The following EPM2A variants were observed in gnomAD, a reference collection of about 807,000 sequenced individuals.
EPM2A encodes the protein EPM2A glucan phosphatase, laforin, also known as laforin.
EPM2A carries 21 observed loss-of-function variants against 26.5 expected under a neutral mutation model. The ratio of observed to expected loss-of-function variants is 0.79; its 90% confidence interval spans 0.56 to 1.14. The LOEUF is 1.14. Among genes scored for constraint, EPM2A ranks in the 50% most tolerant of loss-of-function variants. The pLI is 0.00. For synonymous variants in EPM2A, 217 were observed against 177.6 expected (o/e 1.22, Z -1.76); for missense variants, 458 against 440.8 (o/e 1.04, Z -0.35).
chr6:145,726,562 A>C (rs893964855), intron 1 of EPM2A, among the ~76,000 whole-genome samples: 4 of 152,136 alleles, frequency 2.6e-5, no homozygotes, highest in African/African-American at 9.7e-5. Context: ...AGTCATCACA[A>C]ACGGTAGTAA....
chr6:145,668,385 C>T (rs990362419), intron 2 of EPM2A, among the ~76,000 whole-genome samples: 1 of 151,982 alleles, frequency 6.6e-6, no homozygotes, highest in African/African-American at 2.4e-5. Context: ...TAAAAAATGG[C>T]ATGAAGGTCC....
chr6:145,601,399 A>G (rs1000722364), intron 2 of EPM2A, among the ~76,000 whole-genome samples: 1 of 152,166 alleles, frequency 6.6e-6, no homozygotes, highest in Admixed American at 6.5e-5. Flanking sequence ...AGAACGTGAC[A>G]GTGGTGGTAG....
At chr6:145,684,881 C>T (rs1202296121) in intron 2 of EPM2A, 2 of 152,160 alleles carry the variant, frequency 1.3e-5, no homozygotes, top group South Asian at 2.1e-4. Context: ...AACCCATCAG[C>T]AAAGCCAACA....
intron 2 of EPM2A, among the ~76,000 whole-genome samples, chr6:145,542,263 T>C (rs564324130): frequency 7.9e-5 from 12 of 152,346 alleles, no homozygotes; most frequent in African/African-American, 2.9e-4. Flanking sequence ...TAAATTCCCT[T>C]TGCCATAACA....
chr6:145,700,544 G>A (rs1781854008), intron 1 of EPM2A, among the ~76,000 whole-genome samples: 1 of 151,900 alleles, frequency 6.6e-6, no homozygotes, highest in Non-Finnish European at 1.5e-5. Flanking sequence ...ATACCTTAAA[G>A]CCCACACACA....
At chr6:145,672,860 G>C (rs76509098) in intron 2 of EPM2A, among the ~76,000 whole-genome samples, 283 of 152,294 alleles carry the variant, frequency 1.9e-3, no homozygotes, top group Non-Finnish European at 3.5e-3. Flanking sequence ...AAGTAGTATA[G>C]AAGGAAAGAC....
rs548416798 is a variant in EPM2A, at chr6:145,708,861, C to G, written c.302-22565G>C. The stretch of plus-strand genomic sequence containing the variant: ...GCCTAGAAAAGACACAGACACTCAA[C>G]AGCAGCCCATGAAAGCAGCCAGGAG... On this transcript the variant is annotated intron_variant, in intron 1 of 3. Transcript: ENST00000367519. Among the ~76,000 whole-genome samples, 95 of 152,330 alleles carry G rather than the reference C, an allele frequency of 6.2e-4. No homozygotes were observed. The Middle Eastern group carries it at 0.014, about 22-fold the overall frequency.
chr6:145,480,572 C>T (rs144477335), intron 4 of EPM2A, among the ~76,000 whole-genome samples: 66 of 152,186 alleles, frequency 4.3e-4, no homozygotes, highest in African/African-American at 1.5e-3. Flanking sequence ...TTTTCGATTT[C>T]TTCACAATGT....
chr6:145,401,992 A>C (rs1298203251), intron 4 of EPM2A, among the ~76,000 whole-genome samples: 1 of 152,194 alleles, frequency 6.6e-6, no homozygotes, highest in Admixed American at 6.6e-5. Context: ...ATGATTTGAC[A>C]ATCATCAGAA....
At chr6:145,616,520 G>A (rs1307946984) in intron 2 of EPM2A, among the ~76,000 whole-genome samples, 1 of 152,240 alleles carries the variant, frequency 6.6e-6, no homozygotes, top group Non-Finnish European at 1.5e-5. Context: ...TAGTGGAGCT[G>A]TGAGAAGAGG....
chr6:145,436,509 T>C (rs990761890), intron 4 of EPM2A, among the ~76,000 whole-genome samples: 1 of 152,308 alleles, frequency 6.6e-6, no homozygotes, highest in Non-Finnish European at 1.5e-5. Flanking sequence ...CATTTGCTAT[T>C]GACTATCTTT....
downstream of EPM2A, among the ~76,000 whole-genome samples, chr6:145,497,109 T>A (rs1742472269): frequency 1.3e-5 from 2 of 152,198 alleles, no homozygotes. Flanking sequence ...GCTGAAGAGG[T>A]AATGTGGTCA....
intron 4 of EPM2A, among the ~76,000 whole-genome samples, chr6:145,452,645 C>G (rs2114710008): frequency 6.7e-6 from 1 of 148,998 alleles, no homozygotes; most frequent in East Asian, 2.0e-4. Flanking sequence ...GCCGAGATCA[C>G]GCCACTGCAC....
chr6:145,662,467 C>T (rs965399882), intron 2 of EPM2A, among the ~76,000 whole-genome samples: 2 of 151,970 alleles, frequency 1.3e-5, no homozygotes, highest in African/African-American at 4.8e-5. Flanking sequence ...TTTAATGATA[C>T]TTGTTAAAGC....
chr6:145,526,160 A>G (rs2114778771), intron 2 of EPM2A, among the ~76,000 whole-genome samples: 1 of 152,202 alleles, frequency 6.6e-6, no homozygotes, highest in African/African-American at 2.4e-5. Context: ...ATCATATTGA[A>G]TTAGCTTTTT....
At chr6:145,438,046 G>A (rs1009438390) in intron 4 of EPM2A, among the ~76,000 whole-genome samples, 15 of 152,204 alleles carry the variant, frequency 9.9e-5, no homozygotes, top group African/African-American at 3.4e-4. Context: ...TATCCTGAGA[G>A]ATACATTGTT....
chr6:145,616,889 C>T (rs1460589911), intron 2 of EPM2A, among the ~76,000 whole-genome samples: 2 of 152,190 alleles, frequency 1.3e-5, no homozygotes, highest in Non-Finnish European at 2.9e-5. Context: ...AAGTAACTTG[C>T]TTTTGATTTT....
intron 2 of EPM2A, among the ~76,000 whole-genome samples, chr6:145,547,644 A>G (rs1396458648): frequency 6.6e-6 from 1 of 152,168 alleles, no homozygotes; most frequent in East Asian, 1.9e-4. Flanking sequence ...TTTTTACTGT[A>G]TAGGCTACCT....
At chr6:145,563,291 G>A (rs1047428929) in intron 2 of EPM2A, among the ~76,000 whole-genome samples, 3 of 151,988 alleles carry the variant, frequency 2.0e-5, no homozygotes, top group Middle Eastern at 3.4e-3. Flanking sequence ...AATGCAGTTC[G>A]ACTCCTTGTT....
Sources: allele counts gnomAD v4.1 joint callset (sites outside exome capture counted in the v4.1 genomes callset), GRCh38; gene constraint gnomAD v4.1.1; transcripts MANE v1.5; gene names NCBI Gene and HGNC (gene_info 2026-07-23, HGNC 2026-07-21).